CLIC5: variants seen among roughly 807,000 people sequenced by gnomAD.
CLIC5 encodes chloride intracellular channel protein 5.
A neutral mutation model predicts 24.7 loss-of-function variants in CLIC5; 20 were observed. The ratio of observed to expected loss-of-function variants is 0.81; its 90% CI spans 0.57 to 1.18. The LOEUF (loss-of-function observed/expected upper bound fraction) is 1.18, where lower values mean the gene tolerates loss of function less well. Ranked by LOEUF, CLIC5 falls within the 50% of genes most tolerant of loss-of-function variation. The pLI is 0.00. For synonymous variants in CLIC5, 159 were observed against 135.6 expected (o/e 1.17, Z -1.20); for missense variants, 341 against 326.1 (o/e 1.05, Z -0.35).
Position 45,922,823 on chromosome 6 carries a change from A to AAGAGAGAGAGAGAGAGAGAGAG in CLIC5, c.407-8415_407-8414insCTCTCTCTCTCTCTCTCTCTCT, listed in dbSNP as rs547902327. Reference sequence around the variant, plus strand: ...GAAGGGAGGAAGAGAGAGAGAGAGAAAGAGAGAGAGATAGAGAGAGAGAGA... The same window carrying AAGAGAGAGAGAGAGAGAGAGAG: ...GAAGGGAGGAAGAGAGAGAGAGAGAAAGAGAGAGAGAGAGAGAGAGAGAGAGAGAGAGATAGAGAGAGAGAGA... On this transcript the variant is annotated intron_variant, in intron 4 of 5. Coordinates refer to ENST00000339561, the MANE Select transcript of CLIC5 (RefSeq NM_016929.5). Among the ~76,000 whole-genome samples, 192 of 140,694 alleles carry AAGAGAGAGAGAGAGAGAGAGAG rather than the reference A, an allele frequency of 1.4e-3. 7 individuals are homozygous for AAGAGAGAGAGAGAGAGAGAGAG. Among genetic ancestry groups the AAGAGAGAGAGAGAGAGAGAGAG allele is most frequent in the African/African-American group, 1.9e-3 (70 of 36,414 alleles). The allele number at this position is 140,694 out of a possible 152,430, so 92.3% of individuals were successfully genotyped here.
the CLIC5 span, among the ~76,000 whole-genome samples, chr6:46,101,382 A>C: frequency 2.0e-5 from 3 of 152,210 alleles, no homozygotes; most frequent in African/African-American, 7.2e-5. Context: ...AATTACAATA[A>C]ATTTAAAGAC....
intron 6 of CLIC5, among the ~76,000 whole-genome samples, chr6:45,890,588 G>A (rs991635001): frequency 6.6e-6 from 1 of 152,174 alleles, no homozygotes; most frequent in Non-Finnish European, 1.5e-5. Flanking sequence ...ATTGTAATCA[G>A]TGTGCTGAAG....
intron 1 of CLIC5, among the ~76,000 whole-genome samples, chr6:45,979,092 G>A (rs1334720781): frequency 6.6e-6 from 1 of 152,144 alleles, no homozygotes; most frequent in Admixed American, 6.6e-5. Flanking sequence ...ACTAAGTGGA[G>A]CCCTGGTTCC....
chr6:45,909,191 T>A (rs1390786011), intron 5 of CLIC5, among the ~76,000 whole-genome samples: 1 of 152,176 alleles, frequency 6.6e-6, no homozygotes, highest in Non-Finnish European at 1.5e-5. Context: ...ATGAGAGGGG[T>A]CTCTTGAAGA....
intron 1 of CLIC5, among the ~76,000 whole-genome samples, chr6:46,051,970 A>G (rs1333991988): frequency 6.6e-6 from 1 of 152,192 alleles, no homozygotes; most frequent in Non-Finnish European, 1.5e-5. Flanking sequence ...AGTGGTATTT[A>G]GGACCCATTG....
intron 1 of CLIC5, 73 bp downstream of exon 1, chr6:46,015,407 G>A (rs1766963950): frequency 4.3e-6 from 6 of 1,407,322 alleles, no homozygotes; most frequent in Admixed American, 2.5e-5. Context: ...GGAGTCCAGC[G>A]CACCCCGAGC....
the CLIC5 span, among the ~76,000 whole-genome samples, chr6:46,124,284 C>G: frequency 6.6e-6 from 1 of 152,198 alleles, no homozygotes; most frequent in Admixed American, 6.5e-5. Context: ...TACCACACAT[C>G]TAAAACTATC....
the CLIC5 span, among the ~76,000 whole-genome samples, chr6:46,106,951 AG>A: frequency 1.3e-5 from 2 of 152,238 alleles, no homozygotes; most frequent in African/African-American, 4.8e-5. Flanking sequence ...TTAAAGTCAA[AG>A]CTATAAAGTC....
At chr6:46,096,455 T>G in the CLIC5 span, among the ~76,000 whole-genome samples, 1 of 152,232 alleles carries the variant, frequency 6.6e-6, no homozygotes. Context: ...GCTGTTGCAG[T>G]CATGTAGGAT....
At chr6:46,057,538 G>T (rs1283783468) in intron 1 of CLIC5, among the ~76,000 whole-genome samples, 1 of 152,148 alleles carries the variant, frequency 6.6e-6, no homozygotes, top group Non-Finnish European at 1.5e-5. Flanking sequence ...AACCAGAGTT[G>T]CTTTTGTGGG....
intron 4 of CLIC5, among the ~76,000 whole-genome samples, chr6:45,930,355 T>C (rs1232998466): frequency 1.3e-5 from 2 of 151,992 alleles, no homozygotes; most frequent in African/African-American, 4.8e-5. Flanking sequence ...AAGAAGCATT[T>C]GGGGGTAGTT....
intron 1 of CLIC5, among the ~76,000 whole-genome samples, chr6:46,034,800 T>A (rs994945145): frequency 6.6e-6 from 1 of 152,118 alleles, no homozygotes; most frequent in African/African-American, 2.4e-5. Context: ...AAAAGGAGCC[T>A]CCAGCTGACA....
intron 1 of CLIC5, among the ~76,000 whole-genome samples, chr6:46,054,451 A>G (rs1224717458): frequency 1.3e-5 from 2 of 152,090 alleles, no homozygotes; most frequent in African/African-American, 4.8e-5. Flanking sequence ...GTATAATTTC[A>G]TTTCTCCAGC....
At chr6:46,026,578 T>C (rs561498766) in intron 1 of CLIC5, among the ~76,000 whole-genome samples, 9 of 152,324 alleles carry the variant, frequency 5.9e-5, no homozygotes, top group Non-Finnish European at 8.8e-5. Context: ...TCAGAGAGCA[T>C]TATTTTAATT....
chr6:45,898,766 C>G lies in CLIC5; in HGVS notation c.*4322G>C, dbSNP rs996718119. ...TTATAAAATAGGACAACGAGGTGGC[C>G]AGGAAAGTAAGACAAATTCAAACAT... On this transcript the variant is annotated 3_prime_UTR_variant, in exon 6 of 6. Coordinates refer to ENST00000339561, the MANE Select transcript of CLIC5 (RefSeq NM_016929.5). The G allele has an allele frequency of 6.6e-6, 1 of 152,426 alleles. No homozygotes were observed. Among genetic ancestry groups the G allele is most frequent in the African/African-American group, 2.4e-5 (1 of 41,386 alleles). The allele number at this position is 152,426 out of a possible 1,614,324, so 9.4% of individuals were successfully genotyped here. A position where few individuals can be genotyped will look rare whatever the true frequency, so the allele number is the denominator to read the frequency against.
At chr6:46,083,901 T>C (rs1208994008), upstream of CLIC5, among the ~76,000 whole-genome samples, 1 of 152,156 alleles carries the variant, frequency 6.6e-6, no homozygotes, top group East Asian at 1.9e-4. Context: ...TATTATTGTG[T>C]GGGAGTCTAA....
At chr6:46,065,540 A>T (rs1332577153) in intron 1 of CLIC5, among the ~76,000 whole-genome samples, 1 of 152,206 alleles carries the variant, frequency 6.6e-6, no homozygotes, top group Non-Finnish European at 1.5e-5. Context: ...TGCTGAATGC[A>T]TAAAAAGTTG....
intron 1 of CLIC5, chr6:46,014,735 A>G (rs1766935114): frequency 6.6e-5 from 10 of 152,192 alleles, no homozygotes; most frequent in Admixed American, 6.5e-4. Context: ...CAAATAAAGT[A>G]CAGCAGCTCT....
At chr6:46,033,830 G>A (rs1183452137) in intron 1 of CLIC5, among the ~76,000 whole-genome samples, 1 of 152,108 alleles carries the variant, frequency 6.6e-6, no homozygotes, top group Non-Finnish European at 1.5e-5. Context: ...TATTAAATAA[G>A]AATCAATTTT....
Sources: gnomAD v4.1 joint callset for allele counts (sites outside exome capture counted in the v4.1 genomes callset) on GRCh38, gnomAD v4.1.1 for gene constraint, MANE v1.5 for transcripts, NCBI Gene and HGNC (gene_info 2026-07-23, HGNC 2026-07-21) for gene names.